ZSWIM2: variants seen among roughly 807,000 people sequenced by gnomAD.
ZSWIM2 encodes zinc finger SWIM-type containing 2.
A neutral mutation model predicts 48.4 loss-of-function variants in ZSWIM2; 38 were observed. The observed-to-expected ratio is 0.79, with a 90% CI of 0.61 to 1.03. ZSWIM2 has a LOEUF of 1.03. Among genes scored for constraint, ZSWIM2 ranks in the 50% least tolerant of loss-of-function variants. The probability of loss-of-function intolerance (pLI) is 0.00; values close to 1 mark genes in which losing one functional copy is unlikely to be tolerated. For missense variants in ZSWIM2, 776 were observed against 730.2 expected (o/e 1.06, Z -0.72); for synonymous variants, 240 against 251.3 (o/e 0.96, Z 0.42).
intron 3 of ZSWIM2, among the ~76,000 whole-genome samples, chr2:186,842,028 A>T (rs1219451697): frequency 6.6e-6 from 1 of 151,210 alleles, no homozygotes; most frequent in Non-Finnish European, 1.5e-5. Flanking sequence ...AACATTTTTC[A>T]TAATAATATT....
At chr2:186,837,888 ATAATTATTAT>A (rs977423121) in intron 4 of ZSWIM2, among the ~76,000 whole-genome samples, 1 of 151,300 alleles carries the variant, frequency 6.6e-6, no homozygotes, top group African/African-American at 2.4e-5. Flanking sequence ...AAGGAGAATA[ATAATTATTAT>A]TATTTTAATA....
At chr2:186,834,942 G>C (rs1242264458) in intron 5 of ZSWIM2, among the ~76,000 whole-genome samples, 1 of 152,112 alleles carries the variant, frequency 6.6e-6, no homozygotes, top group East Asian at 1.9e-4. Context: ...CTGGGCGTAA[G>C]GATGTGGACG....
intron 3 of ZSWIM2, among the ~76,000 whole-genome samples, chr2:186,839,568 C>A (rs76067356): frequency 6.4e-4 from 97 of 151,468 alleles, no homozygotes; most frequent in African/African-American, 2.1e-3. Context: ...AACTGATATC[C>A]GAGTAGCTAC....
At chr2:186,841,148 T>C (rs1314960945) in intron 3 of ZSWIM2, among the ~76,000 whole-genome samples, 1 of 151,482 alleles carries the variant, frequency 6.6e-6, no homozygotes, top group East Asian at 1.9e-4. Flanking sequence ...AGATCTTCCA[T>C]AAAGGAATGT....
intron 3 of ZSWIM2, among the ~76,000 whole-genome samples, chr2:186,843,571 CGA>C (rs1691946125): frequency 6.7e-6 from 1 of 150,364 alleles, no homozygotes; most frequent in Non-Finnish European, 1.5e-5. Flanking sequence ...CAGAAGAGGA[CGA>C]GAGAGAAAAA....
intron 8 of ZSWIM2, among the ~76,000 whole-genome samples, 193 bp from the exon 9 acceptor site, chr2:186,828,983 C>T (rs2105815071): frequency 6.6e-6 from 1 of 151,918 alleles, no homozygotes; most frequent in Middle Eastern, 3.5e-3. Flanking sequence ...GACTGATTTC[C>T]ATTTTCGATA....
At chr2:186,829,628 G>C in intron 8 of ZSWIM2, 99 bp downstream of exon 8, 1 of 1,269,878 alleles carries the variant, frequency 7.9e-7, no homozygotes, top group Non-Finnish European at 1.1e-6. Flanking sequence ...CCTCTGTACA[G>C]AGCACAACTC....
At chr2:186,845,159 A>G (rs1414594793) in intron 2 of ZSWIM2, among the ~76,000 whole-genome samples, 1 of 149,856 alleles carries the variant, frequency 6.7e-6, no homozygotes, top group Non-Finnish European at 1.5e-5. Context: ...ATACCTCTCT[A>G]ACGCATGATA....
Position 186,839,076 on chromosome 2 carries a change from T to C in ZSWIM2, c.377A>G (p.Glu126Gly). ...CCCATCTTCTTCAACATGTTCATTT[T>C]CGTCATTTGTTCCTGGTTGGGGAGT... is the stretch of plus-strand genomic sequence containing the variant. ...VQTPQPGTND[E>G]NEHVEEDGYI... Residue 126 changes from glutamate (E) to glycine (G), a missense_variant, in exon 4 of 9, where the codon GAA (glutamate) becomes GGA (glycine). Coordinates refer to ENST00000295131, the MANE Select transcript of ZSWIM2 (RefSeq NM_182521.3). The C allele has an allele frequency of 6.2e-7, 1 of 1,612,096 alleles. No individual in the cohort carries two copies. The highest frequency in any genetic ancestry group is 2.2e-5 in the East Asian group (1 of 44,810).
At chr2:186,837,826 A>G (rs1691825733) in intron 4 of ZSWIM2, among the ~76,000 whole-genome samples, 1 of 150,958 alleles carries the variant, frequency 6.6e-6, no homozygotes, top group Admixed American at 6.6e-5. Context: ...AAGATTTTGC[A>G]TCATTAAAAT....
rs1269677695 is a variant in ZSWIM2, at chr2:186,833,186, A to G, written c.875T>C (p.Val292Ala). 1 of 1,544,518 alleles carries G rather than the reference A, an allele frequency of 6.5e-7. No homozygotes were observed. The highest frequency in any genetic ancestry group is 8.7e-7 in the Non-Finnish European group (1 of 1,148,462). Reference protein sequence around the residue: ...WRSLEKRADEVVKYIDTKNEI... With the variant: ...WRSLEKRADEAVKYIDTKNEI... ...ATTTTTAGTATCTATGTATTTTACA[A>G]CTTCATCTGCTCTTTTTTCTAGTGA... The change falls in exon 7 of 9, where the codon GTT (valine) becomes GCT (alanine). Residue 292 changes from valine to alanine, a missense_variant. Coordinates refer to ENST00000295131, the MANE Select transcript of ZSWIM2 (RefSeq NM_182521.3).
chr2:186,828,410 A>G lies in ZSWIM2; in HGVS notation c.1476T>C (p.His492=). 2.5e-6 allele frequency: 4 copies of G among 1,613,598 alleles called. No individual in the cohort carries two copies. The highest frequency in any genetic ancestry group is 1.1e-5 in the South Asian group (1 of 91,078). The change falls in exon 9 of 9, where the codon CAT becomes CAC. Residue 492 remains histidine (H), a synonymous_variant. Transcript: ENST00000295131. The stretch of plus-strand genomic sequence containing the variant: ...GTAAATCTTGAAGATACCTGGGAAA[A>G]TGTTGGCTAATTTTATAATCATAGG... ...KLTYDYKISQ[H]FPRYLQDLPT... is the part of the protein sequence containing the mutation.
Position 186,837,304 on chromosome 2 carries a change from ACTT to A in ZSWIM2, c.742_743+1del. 6.2e-7 allele frequency: 1 copy of A among 1,612,234 alleles called. No individual in the cohort carries two copies. Among genetic ancestry groups the A allele is most frequent in the East Asian group, 2.2e-5 (1 of 44,832 alleles). On this transcript the variant is annotated splice_donor_variant and coding_sequence_variant, in exon 5 of 9. Transcript: ENST00000295131. LOFTEE classifies it high-confidence loss of function. ...TGCTTATAATTTACGGATAACACTT[ACTT>A]ATAACACTTCCCCTCAATTGGAAAC...
intron 5 of ZSWIM2, among the ~76,000 whole-genome samples, chr2:186,835,335 C>G (rs1055199727): frequency 1.3e-5 from 2 of 151,978 alleles, no homozygotes; most frequent in African/African-American, 4.8e-5. Context: ...CATAATTTAC[C>G]AAACTGAAAA....
chr2:186,841,820 A>C (rs997430310), intron 3 of ZSWIM2, among the ~76,000 whole-genome samples: 41 of 151,370 alleles, frequency 2.7e-4, no homozygotes, highest in African/African-American at 9.9e-4. Flanking sequence ...AAAATAGAAA[A>C]TAAAAAGTTT....
chr2:186,828,561 G>A lies in ZSWIM2; in HGVS notation c.1325C>T (p.Pro442Leu). 6.2e-7 allele frequency: 1 copy of A among 1,613,072 alleles called. No individual in the cohort carries two copies. Among genetic ancestry groups the A allele is most frequent in the Non-Finnish European group, 8.5e-7 (1 of 1,179,442 alleles). ...ATCAAAATTACACTGAGGTATGCTA[G>A]GTAAAATTCCAAGTCTATTTTGTTT... is the stretch of plus-strand genomic sequence containing the variant. ...VLKQNRLGILPSIPQCNFDEL... is the reference protein window; with the variant it reads ...VLKQNRLGILLSIPQCNFDEL... The change falls in exon 9 of 9, where the codon CCT (proline) becomes CTT (leucine). Residue 442 changes from proline to leucine, a missense_variant. Pro to Leu is a moderately conservative substitution (Grantham distance 98, BLOSUM62 -3). Coordinates refer to ENST00000295131, the MANE Select transcript of ZSWIM2 (RefSeq NM_182521.3).
intron 4 of ZSWIM2, 58 bp from the exon 5 acceptor site, chr2:186,837,612 G>GTATATATATATATATATAT (rs72348328): frequency 2.1e-6 from 1 of 481,884 alleles, no homozygotes. Flanking sequence ...CATATCCATT[G>GTATATATATATATATATAT]TATATATATA....
Position 186,827,798 on chromosome 2 carries a change from T to C in ZSWIM2, c.*186A>G, listed in dbSNP as rs1653871944. The C allele has an allele frequency of 4.7e-6, 2 of 422,176 alleles. No individual in the cohort carries two copies. Among genetic ancestry groups the C allele is most frequent in the East Asian group, 7.0e-5 (2 of 28,594 alleles). 26.2% of individuals were successfully genotyped at this position (422,176 alleles called of 1,614,324 possible). On this transcript the variant is annotated 3_prime_UTR_variant, in exon 9 of 9. Transcript: ENST00000295131. ...TCCTGAATATATTCATGAAGACACC[T>C]AATGCTGTAAGTCATATAAGTAATA... is the stretch of plus-strand genomic sequence containing the variant.
chr2:186,833,853 A>T, intron 6 of ZSWIM2, 93 bp downstream of exon 6: 1 of 1,010,092 alleles, frequency 9.9e-7, no homozygotes, highest in Non-Finnish European at 1.5e-6. Flanking sequence ...GCTCTGTTCC[A>T]CAGTGTTATG....
Sources: gnomAD v4.1 joint callset for allele counts (sites outside exome capture counted in the v4.1 genomes callset) on GRCh38, gnomAD v4.1.1 for gene constraint, MANE v1.5 for transcripts, NCBI Gene and HGNC (gene_info 2026-07-23, HGNC 2026-07-21) for gene names.